The following FBXO36 variants were observed in gnomAD, a reference collection of about 807,000 sequenced individuals.
FBXO36 encodes the protein F-box protein 36, also known as F-box only protein 36.
A neutral mutation model predicts 17.0 loss-of-function variants in FBXO36; 18 were observed. The observed-to-expected ratio is 1.06, with a 90% CI of 0.73 to 1.57. The LOEUF (loss-of-function observed/expected upper bound fraction) is 1.57, where lower values mean the gene tolerates loss of function less well. FBXO36 is among the 40% of genes most tolerant of loss of function. FBXO36 has a pLI of 0.00. For missense variants in FBXO36, 229 were observed against 221.9 expected (o/e 1.03, Z -0.20); for synonymous variants, 83 against 85.3 (o/e 0.97, Z 0.15).
At chr2:229,942,289 C>T (rs2077003534) in intron 1 of FBXO36, among the ~76,000 whole-genome samples, 1 of 152,214 alleles carries the variant, frequency 6.6e-6, no homozygotes, top group Non-Finnish European at 1.5e-5. Flanking sequence ...CATGGCATAG[C>T]AGTGCATTCT....
chr2:230,001,540 G>T (rs1267953840), intron 3 of FBXO36, among the ~76,000 whole-genome samples: 1 of 151,740 alleles, frequency 6.6e-6, no homozygotes, highest in African/African-American at 2.4e-5. Context: ...CACCTGCCTC[G>T]GCCTCCCAAA....
intron 1 of FBXO36, among the ~76,000 whole-genome samples, chr2:229,958,625 G>A (rs561708688): frequency 6.6e-5 from 10 of 152,180 alleles, no homozygotes; most frequent in African/African-American, 2.2e-4. Context: ...CACCTTGAGT[G>A]TTTTGGGGTC....
At position 230,010,814 on chromosome 2, in the gene FBXO36, A is replaced by G. The variant is rs776597799; in HGVS notation, c.497A>G (p.Lys166Arg). 14 of 1,613,904 alleles carry G rather than the reference A, an allele frequency of 8.7e-6. No individual in the cohort carries two copies. The East Asian group carries it at 3.1e-4, about 36-fold the overall frequency. Reference protein sequence around the residue: ...TGWRQLFFTNKLQLQRQLRKR... With the variant: ...TGWRQLFFTNRLQLQRQLRKR... Reference sequence around the variant, plus strand: ...TGGAGACAGCTGTTCTTCACCAACAAGCTCCAGCTCCAGCGGCAGCTCCGC... The same window carrying G: ...TGGAGACAGCTGTTCTTCACCAACAGGCTCCAGCTCCAGCGGCAGCTCCGC... Residue 166 changes from lysine to arginine, a missense_variant, in exon 4 of 4, where the codon AAG becomes AGG. Transcript: ENST00000283946.
rs541157624 is a variant in FBXO36 at position 229,944,026 on chromosome 2, G to A, written c.96+21417G>A. 3.0e-4 allele frequency among the ~76,000 whole-genome samples: 45 copies of A among 152,182 alleles called. 1 individual carries two copies. Among genetic ancestry groups the A allele is most frequent in the African/African-American group, 1.0e-3 (42 of 41,526 alleles). Reference sequence around the variant, plus strand: ...CTCTCTGTCTTCCTCCTCTGGCCACGTAAGACGGGGCCAGCTTCCCCTTCA... The same window carrying A: ...CTCTCTGTCTTCCTCCTCTGGCCACATAAGACGGGGCCAGCTTCCCCTTCA... On this transcript the variant is annotated intron_variant, in intron 1 of 3. Transcript: ENST00000283946.
intron 1 of FBXO36, among the ~76,000 whole-genome samples, chr2:229,957,113 G>T (rs1030933240): frequency 5.9e-5 from 9 of 152,250 alleles, no homozygotes; most frequent in Non-Finnish European, 1.0e-4. Flanking sequence ...AATAATTTTA[G>T]AATATTTAAT....
intron 1 of FBXO36, among the ~76,000 whole-genome samples, chr2:229,960,777 AT>A (rs1468682797): frequency 1.3e-5 from 2 of 152,180 alleles, no homozygotes; most frequent in African/African-American, 4.8e-5. Context: ...CCAGCCTAGA[AT>A]TTATTTTTGA....
intron 1 of FBXO36, among the ~76,000 whole-genome samples, chr2:229,923,821 CT>C (rs2076872547): frequency 7.2e-6 from 1 of 139,244 alleles, no homozygotes; most frequent in South Asian, 2.4e-4. Flanking sequence ...GAAAGGTATC[CT>C]TTTCTGTACT....
intron 3 of FBXO36, among the ~76,000 whole-genome samples, chr2:229,997,500 C>A (rs1326039175): frequency 6.6e-6 from 1 of 151,516 alleles, no homozygotes; most frequent in African/African-American, 2.4e-5. Context: ...ATCACTTGAA[C>A]CCGGGAGGTG....
chr2:229,926,125 TAAA>T (rs34162848), intron 1 of FBXO36, among the ~76,000 whole-genome samples: 45 of 103,438 alleles, frequency 4.4e-4, no homozygotes, highest in African/African-American at 6.4e-4. Flanking sequence ...CCCCTTCTCT[TAAA>T]AAAAAAAAAA....
intron 2 of FBXO36, among the ~76,000 whole-genome samples, chr2:229,983,919 T>C (rs1300159670): frequency 3.3e-5 from 5 of 152,210 alleles, no homozygotes; most frequent in African/African-American, 1.2e-4. Context: ...CTCAAAAAAT[T>C]CCAGCTGTTG....
chr2:229,931,366 A>T (rs2076937542), intron 1 of FBXO36, among the ~76,000 whole-genome samples: 1 of 152,116 alleles, frequency 6.6e-6, no homozygotes, highest in Non-Finnish European at 1.5e-5. Flanking sequence ...TTGCTTCATA[A>T]TTATATGGGG....
At chr2:229,990,127 T>G (rs1246865071) in intron 2 of FBXO36, among the ~76,000 whole-genome samples, 2 of 151,822 alleles carry the variant, frequency 1.3e-5, no homozygotes, top group East Asian at 3.9e-4. Context: ...CTCTCTTAAG[T>G]TCTCTCCATA....
intron 3 of FBXO36, among the ~76,000 whole-genome samples, chr2:230,000,128 T>C (rs4973242): frequency 0.99 from 150,782 of 152,010 alleles, 74,793 homozygotes; most frequent in Middle Eastern, 1. Flanking sequence ...GAGGCCGAGG[T>C]GGGTGGATCA....
chr2:229,947,143 G>A (rs2077031379), intron 1 of FBXO36, among the ~76,000 whole-genome samples: 1 of 152,106 alleles, frequency 6.6e-6, no homozygotes, highest in South Asian at 2.1e-4. Context: ...ACTCCAGCCT[G>A]GACAACAAGA....
At chr2:229,961,208 C>G (rs774097302) in intron 1 of FBXO36, among the ~76,000 whole-genome samples, 4 of 151,944 alleles carry the variant, frequency 2.6e-5, no homozygotes, top group Non-Finnish European at 5.9e-5. Context: ...GAAATACTAC[C>G]TTTTCCATAT....
chr2:229,994,596 C>T (rs944492265), intron 2 of FBXO36, among the ~76,000 whole-genome samples: 3 of 152,138 alleles, frequency 2.0e-5, no homozygotes, highest in Non-Finnish European at 4.4e-5. Flanking sequence ...CCTACTTGCT[C>T]CAGAAGGAAT....
intron 1 of FBXO36, among the ~76,000 whole-genome samples, chr2:229,929,239 T>C (rs1345767974): frequency 1.3e-5 from 2 of 151,964 alleles, no homozygotes; most frequent in Non-Finnish European, 2.9e-5. Flanking sequence ...CGGCCTCTTT[T>C]TCTTTTTAAT....
chr2:229,936,268 T>C (rs1182274656), intron 1 of FBXO36, among the ~76,000 whole-genome samples: 1 of 152,190 alleles, frequency 6.6e-6, no homozygotes, highest in Admixed American at 6.5e-5. Context: ...CCCATCATGC[T>C]TCTATATTGC....
At chr2:229,927,239 G>A (rs532516464) in intron 1 of FBXO36, among the ~76,000 whole-genome samples, 6 of 152,334 alleles carry the variant, frequency 3.9e-5, no homozygotes, top group South Asian at 4.1e-4. Flanking sequence ...TGGGGAGAAT[G>A]TAGCTAGTAT....
Sources: gnomAD v4.1 joint callset for allele counts (sites outside exome capture counted in the v4.1 genomes callset) on GRCh38, gnomAD v4.1.1 for gene constraint, MANE v1.5 for transcripts, NCBI Gene and HGNC (gene_info 2026-07-23, HGNC 2026-07-21) for gene names.